Variants in ANKS1B observed in about 807,000 individuals in gnomAD.
ANKS1B encodes ankyrin repeat and sterile alpha motif domain containing 1B, also known as ankyrin repeat and sterile alpha motif domain-containing protein 1B.
Under a neutral mutation model 148.3 loss-of-function variants are expected in ANKS1B, and 36 were observed. The ratio of observed to expected loss-of-function variants is 0.24; its 90% CI spans 0.19 to 0.32. The LOEUF is 0.32. Ranked by LOEUF, ANKS1B falls within the 10% of genes least tolerant of loss-of-function variation. The pLI, the probability that ANKS1B is intolerant of heterozygous loss-of-function variation, is 1.00. For missense variants in ANKS1B, 1,157 were observed against 1,542.6 expected (o/e 0.75, Z 4.19); for synonymous variants, 542 against 560.8 (o/e 0.97, Z 0.47).
At position 99,726,974 on chromosome 12, in the gene ANKS1B, T is replaced by C. The variant is rs186126666; in HGVS notation, c.1128+45948A>G. On this transcript the variant is annotated intron_variant, in intron 8 of 26. Coordinates refer to ENST00000683438, the MANE Select transcript of ANKS1B (RefSeq NM_001352186.2). ...TTAAAAACTCTCAATAAACTAGATA[T>C]TGATGGAACATATCTCAAAATAATC... Among the ~76,000 whole-genome samples the C allele has an allele frequency of 1.8e-4, 27 of 152,256 alleles. No homozygotes were observed. In the East Asian group the frequency reaches 4.4e-3, roughly 25 times the overall value.
At chr12:99,665,854 T>C (rs900952800) in intron 8 of ANKS1B, among the ~76,000 whole-genome samples, 1 of 152,176 alleles carries the variant, frequency 6.6e-6, no homozygotes, top group African/African-American at 2.4e-5. Flanking sequence ...ATACCTCCTT[T>C]GTACTGTTGG....
intron 14 of ANKS1B, among the ~76,000 whole-genome samples, chr12:99,238,374 G>A (rs1054511022): frequency 6.6e-6 from 1 of 152,160 alleles, no homozygotes; most frequent in Non-Finnish European, 1.5e-5. Flanking sequence ...TGAGGCTTGA[G>A]TAGCTCACAG....
chr12:98,904,736 G>A (rs1012902930), intron 17 of ANKS1B, among the ~76,000 whole-genome samples: 1 of 152,160 alleles, frequency 6.6e-6, no homozygotes, highest in Non-Finnish European at 1.5e-5. Flanking sequence ...CCAAAGAGAA[G>A]TGCATTCCAG....
intron 8 of ANKS1B, among the ~76,000 whole-genome samples, chr12:99,763,395 T>C (rs1251045043): frequency 6.6e-6 from 1 of 152,072 alleles, no homozygotes; most frequent in African/African-American, 2.4e-5. Context: ...CAGGAACAGA[T>C]AACCAAATAC....
intron 9 of ANKS1B, among the ~76,000 whole-genome samples, chr12:99,617,534 G>A (rs2097983345): frequency 1.3e-5 from 2 of 152,006 alleles, no homozygotes; most frequent in Admixed American, 1.3e-4. Context: ...ACTAACACAG[G>A]AACAGAAAAC....
chr12:99,605,562 C>T (rs959339274), intron 9 of ANKS1B, among the ~76,000 whole-genome samples: 2 of 152,064 alleles, frequency 1.3e-5, no homozygotes, highest in Admixed American at 1.3e-4. Context: ...TTAGCTCCCA[C>T]ATATGAGTGA....
At chr12:99,644,857 C>G (rs1339976952) in intron 9 of ANKS1B, among the ~76,000 whole-genome samples, 1 of 152,168 alleles carries the variant, frequency 6.6e-6, no homozygotes, top group African/African-American at 2.4e-5. Flanking sequence ...GTTTTTTCAG[C>G]TTCCAGAGGC....
chr12:99,718,544 A>C (rs1197488064), intron 8 of ANKS1B, among the ~76,000 whole-genome samples: 1 of 152,198 alleles, frequency 6.6e-6, no homozygotes, highest in African/African-American at 2.4e-5. Flanking sequence ...GGCCTGTTAC[A>C]GCATGGGCTT....
intron 1 of ANKS1B, among the ~76,000 whole-genome samples, chr12:99,912,185 A>T (rs777215330): frequency 6.6e-6 from 1 of 152,172 alleles, no homozygotes; most frequent in Non-Finnish European, 1.5e-5. Context: ...ACTTAGAGGT[A>T]ATTGGCAGTG....
chr12:99,043,062 G>A (rs550065750), intron 17 of ANKS1B, among the ~76,000 whole-genome samples: 3 of 151,990 alleles, frequency 2.0e-5, no homozygotes, highest in South Asian at 2.1e-4. Context: ...GTTGTCTTCC[G>A]CATTAATCTG....
intron 8 of ANKS1B, among the ~76,000 whole-genome samples, chr12:99,703,354 A>C (rs2055180613): frequency 6.6e-6 from 1 of 152,134 alleles, no homozygotes; most frequent in Non-Finnish European, 1.5e-5. Context: ...CATCATGTCT[A>C]ATGTATTCTG....
intron 1 of ANKS1B, among the ~76,000 whole-genome samples, chr12:99,827,423 T>C (rs1400321409): frequency 7.9e-5 from 12 of 151,940 alleles, no homozygotes; most frequent in Non-Finnish European, 4.4e-5. Flanking sequence ...GGATACAAAG[T>C]AGCAAATATG....
At chr12:99,655,871 A>C (rs1319977287) in intron 8 of ANKS1B, among the ~76,000 whole-genome samples, 1 of 152,204 alleles carries the variant, frequency 6.6e-6, no homozygotes, top group Non-Finnish European at 1.5e-5. Context: ...TTTGGATAAC[A>C]GATGGGTATT....
chr12:99,716,946 T>G (rs1034500872), intron 8 of ANKS1B, among the ~76,000 whole-genome samples: 4 of 152,178 alleles, frequency 2.6e-5, no homozygotes, highest in African/African-American at 9.7e-5. Flanking sequence ...AGCTTACAGT[T>G]TCATTCCGTG....
At chr12:99,083,670 G>A (rs1042487476) in intron 16 of ANKS1B, 1 of 151,994 alleles carries the variant, frequency 6.6e-6, no homozygotes, top group Non-Finnish European at 1.5e-5. Context: ...CCATTTTTAG[G>A]TGTATATTTC....
intron 9 of ANKS1B, among the ~76,000 whole-genome samples, chr12:99,517,585 T>G (rs1305986207): frequency 6.7e-6 from 1 of 149,418 alleles, no homozygotes; most frequent in Non-Finnish European, 1.5e-5. Context: ...AAAAATTAGC[T>G]GGGTGTGGTG....
At chr12:99,796,809 C>T (rs1430258761) in intron 4 of ANKS1B, among the ~76,000 whole-genome samples, 1 of 151,818 alleles carries the variant, frequency 6.6e-6, no homozygotes, top group East Asian at 1.9e-4. Flanking sequence ...ATATTAATTA[C>T]ATACATGTAT....
intron 12 of ANKS1B, among the ~76,000 whole-genome samples, chr12:99,270,412 T>A (rs1753950069): frequency 6.6e-6 from 1 of 152,200 alleles, no homozygotes; most frequent in Admixed American, 6.5e-5. Context: ...CAGTCATTCC[T>A]ATCTAATGTA....
chr12:99,504,471 A>G lies in ANKS1B; in HGVS notation c.1438+5T>C, dbSNP rs1303894942. The G allele has an allele frequency of 1.9e-6, 3 of 1,611,210 alleles. No individual in the cohort carries two copies. Among genetic ancestry groups the G allele is most frequent in the Non-Finnish European group, 2.5e-6 (3 of 1,179,058 alleles). ...ATCAGGCCAATTGTGAGTAAGAGAT[A>G]TTACCAGTTCTTGGGGAAGGTGCCC... On this transcript the variant is annotated splice_donor_5th_base_variant and intron_variant, in intron 10 of 26. Coordinates refer to ENST00000683438, the MANE Select transcript of ANKS1B (RefSeq NM_001352186.2).
Sources: allele counts gnomAD v4.1 joint callset (sites outside exome capture counted in the v4.1 genomes callset), GRCh38; gene constraint gnomAD v4.1.1; transcripts MANE v1.5; gene names NCBI Gene and HGNC (gene_info 2026-07-23, HGNC 2026-07-21).